Variants in GLG1 observed in about 807,000 individuals in gnomAD.
GLG1 encodes Golgi apparatus protein 1.
GLG1 carries 38 observed loss-of-function variants against 160.5 expected under a neutral mutation model. The ratio of observed to expected loss-of-function variants is 0.24; its 90% CI spans 0.18 to 0.31. The LOEUF is 0.31. Among genes scored for constraint, GLG1 ranks in the 10% least tolerant of loss-of-function variants. The pLI is 1.00. For synonymous variants in GLG1, 644 were observed against 543.4 expected (o/e 1.19, Z -2.57); for missense variants, 1,373 against 1,505.2 (o/e 0.91, Z 1.45).
At chr16:74,509,405 G>A (rs1054106220) in intron 2 of GLG1, among the ~76,000 whole-genome samples, 1 of 151,900 alleles carries the variant, frequency 6.6e-6, no homozygotes, top group African/African-American at 2.4e-5. Flanking sequence ...GCTAAATTCT[G>A]CTTGAACCAA....
At position 74,483,128 on chromosome 16, in the gene GLG1, G is replaced by C; in HGVS notation, c.1572-4C>G. Reference sequence around the variant, plus strand: ...TTCCATCAGGCACGACAAGATCCTAGCCATTAAATGTGTAAAATTGTAACA... The same window carrying C: ...TTCCATCAGGCACGACAAGATCCTACCCATTAAATGTGTAAAATTGTAACA... On this transcript the variant is annotated splice_polypyrimidine_tract_variant and splice_region_variant and intron_variant, in intron 9 of 25. Transcript: ENST00000422840. The C allele has an allele frequency of 1.3e-6, 2 of 1,519,814 alleles. No homozygotes were observed. Among genetic ancestry groups the C allele is most frequent in the Non-Finnish European group, 1.8e-6 (2 of 1,094,638 alleles). 94.1% of individuals were successfully genotyped at this position (1,519,814 alleles called of 1,614,324 possible).
rs1464590964 is a variant in GLG1 at position 74,462,274 on chromosome 16, A to C, written c.2935-79T>G. 5.9e-6 allele frequency: 5 copies of C among 840,396 alleles called. No individual in the cohort carries two copies. In the East Asian group the frequency reaches 9.8e-5, roughly 16 times the overall value. 52.1% of individuals were successfully genotyped at this position (840,396 alleles called of 1,614,324 possible). On this transcript the variant is annotated intron_variant, in intron 21 of 25. Coordinates refer to ENST00000422840, the MANE Select transcript of GLG1 (RefSeq NM_001145667.2). ...ACAAAAGCAGGACATGAAAAAAAAAACAAACAACAACAACCACAAGAACAA... is the reference window on the plus strand; with the variant it reads ...ACAAAAGCAGGACATGAAAAAAAAACCAAACAACAACAACCACAAGAACAA...
intron 1 of GLG1, among the ~76,000 whole-genome samples, chr16:74,538,587 G>C (rs939921957): frequency 1.8e-4 from 28 of 152,164 alleles, no homozygotes; most frequent in Non-Finnish European, 1.5e-5. Context: ...TTTCCAAAAG[G>C]ACAGTGATCA....
At chr16:74,460,874 C>T (rs781026441) in intron 22 of GLG1, among the ~76,000 whole-genome samples, 1 of 152,218 alleles carries the variant, frequency 6.6e-6, no homozygotes, top group Admixed American at 6.5e-5. Context: ...AAAGCAAACG[C>T]TTGACATTCA....
intron 1 of GLG1, among the ~76,000 whole-genome samples, chr16:74,595,553 A>G (rs1307203937): frequency 1.3e-5 from 2 of 152,194 alleles, no homozygotes; most frequent in East Asian, 3.8e-4. Flanking sequence ...GAAAGTACTG[A>G]AGGGCTTTTT....
chr16:74,512,785 T>C (rs1246178501), intron 2 of GLG1, among the ~76,000 whole-genome samples: 3 of 151,288 alleles, frequency 2.0e-5, no homozygotes, highest in African/African-American at 4.9e-5. Context: ...AATAAAAATA[T>C]AGTGTGATAA....
chr16:74,472,716 C>T (rs1349698423), intron 13 of GLG1: 2 of 486,314 alleles, frequency 4.1e-6, no homozygotes, highest in Non-Finnish European at 7.5e-6. Context: ...AAAGCCTTTG[C>T]AGATTTTCCC....
intron 2 of GLG1, among the ~76,000 whole-genome samples, chr16:74,518,520 C>T (rs149774110): frequency 0.01 from 1,563 of 152,182 alleles, 13 homozygotes; most frequent in Middle Eastern, 0.027. Context: ...AAACTGGACC[C>T]GTTCCTTACA....
intron 1 of GLG1, among the ~76,000 whole-genome samples, chr16:74,588,932 T>A (rs1958111405): frequency 1.3e-5 from 2 of 152,082 alleles, no homozygotes; most frequent in South Asian, 2.1e-4. Flanking sequence ...ATCCTTTTTT[T>A]TTTTTAAATC....
chr16:74,529,602 T>C (rs1273512585), intron 2 of GLG1, among the ~76,000 whole-genome samples: 4 of 152,118 alleles, frequency 2.6e-5, no homozygotes, highest in Non-Finnish European at 4.4e-5. Flanking sequence ...GATATCTTCC[T>C]GCTTCTTCTC....
intron 3 of GLG1, among the ~76,000 whole-genome samples, chr16:74,505,590 C>T (rs1267820758): frequency 6.6e-6 from 1 of 152,320 alleles, no homozygotes; most frequent in East Asian, 1.9e-4. Context: ...TGCGGTGGCT[C>T]ATGCCTGTAA....
At chr16:74,504,890 C>T (rs1045304132) in intron 3 of GLG1, among the ~76,000 whole-genome samples, 6 of 152,098 alleles carry the variant, frequency 3.9e-5, no homozygotes, top group African/African-American at 1.2e-4. Context: ...TGCTGAAATT[C>T]AGGCAAAAGT....
At chr16:74,467,032 C>G (rs1280910210) in intron 18 of GLG1, among the ~76,000 whole-genome samples, 1 of 152,130 alleles carries the variant, frequency 6.6e-6, no homozygotes, top group Non-Finnish European at 1.5e-5. Context: ...GAAACACACA[C>G]AAAACAAAAA....
At chr16:74,458,112 G>A (rs2014634728) in intron 23 of GLG1, 118 bp from the exon 24 acceptor site, 2 of 955,540 alleles carry the variant, frequency 2.1e-6, no homozygotes, top group Admixed American at 4.1e-5. Flanking sequence ...TAACAACAGA[G>A]ACCACTTTGG....
chr16:74,518,089 T>C (rs997983782), intron 2 of GLG1, among the ~76,000 whole-genome samples: 4 of 152,144 alleles, frequency 2.6e-5, no homozygotes, highest in Non-Finnish European at 5.9e-5. Flanking sequence ...TGCTCGTGGA[T>C]AGAAGAATCA....
At chr16:74,604,428 A>G (rs1006676324) in intron 1 of GLG1, among the ~76,000 whole-genome samples, 3 of 152,244 alleles carry the variant, frequency 2.0e-5, no homozygotes, top group African/African-American at 4.8e-5. Context: ...TTGGATTTCA[A>G]TATCTGCAGG....
At chr16:74,599,636 G>A (rs897282868) in intron 1 of GLG1, among the ~76,000 whole-genome samples, 1 of 151,970 alleles carries the variant, frequency 6.6e-6, no homozygotes, top group Non-Finnish European at 1.5e-5. Flanking sequence ...AGGCCGAGGT[G>A]GGCAGATCAC....
chr16:74,586,097 A>C (rs937898760), intron 1 of GLG1, among the ~76,000 whole-genome samples: 1 of 151,928 alleles, frequency 6.6e-6, no homozygotes, highest in African/African-American at 2.4e-5. Context: ...CAGGTGGTAA[A>C]CAGGGTGAAT....
chr16:74,491,462 C>A (rs2015983441), intron 7 of GLG1, among the ~76,000 whole-genome samples: 1 of 152,052 alleles, frequency 6.6e-6, no homozygotes, highest in Admixed American at 6.6e-5. Context: ...ACTAATAATG[C>A]AAATGCTTTG....
Sources: gnomAD v4.1 joint callset for allele counts (sites outside exome capture counted in the v4.1 genomes callset) on GRCh38, gnomAD v4.1.1 for gene constraint, MANE v1.5 for transcripts, NCBI Gene and HGNC (gene_info 2026-07-23, HGNC 2026-07-21) for gene names.